The following WDFY3 variants were observed in gnomAD, a reference collection of about 807,000 sequenced individuals.
The protein encoded by WDFY3 is WD repeat and FYVE domain-containing protein 3.
A neutral mutation model predicts 409.6 loss-of-function variants in WDFY3; 66 were observed. The observed-to-expected ratio is 0.16, with a 90% confidence interval of 0.13 to 0.20. The LOEUF (loss-of-function observed/expected upper bound fraction) is 0.20. WDFY3 is among the 10% of genes least tolerant of loss of function. WDFY3 has a pLI of 1.00. For missense variants in WDFY3, 3,031 were observed against 4,298.1 expected, an observed-to-expected ratio of 0.71 and a Z score of 8.24; for synonymous variants, 1,521 against 1,537.1, an observed-to-expected ratio of 0.99 and a Z score of 0.25.
chr4:84,883,985 T>C (rs556218891), intron 3 of WDFY3, among the ~76,000 whole-genome samples: 3 of 152,148 alleles, frequency 2.0e-5, no homozygotes, highest in Non-Finnish European at 4.4e-5. Context: ...CAAAATTACA[T>C]GCTAAAAATT....
intron 4 of WDFY3, among the ~76,000 whole-genome samples, chr4:84,854,122 G>C: frequency 6.6e-6 from 1 of 152,280 alleles, no homozygotes; most frequent in East Asian, 1.9e-4. Context: ...AGGTCTTTCT[G>C]AAGAAGCGAC....
chr4:84,882,404 A>G (rs1227820739), intron 3 of WDFY3, among the ~76,000 whole-genome samples: 1 of 152,280 alleles, frequency 6.6e-6, no homozygotes, highest in Admixed American at 6.5e-5. Flanking sequence ...TGACACACTG[A>G]AGATGCTTAA....
intron 3 of WDFY3, among the ~76,000 whole-genome samples, chr4:84,864,464 G>T (rs1761103190): frequency 1.3e-5 from 2 of 150,464 alleles, no homozygotes; most frequent in South Asian, 4.2e-4. Context: ...TACGAACATT[G>T]TAACAACATT....
At chr4:84,938,233 T>G (rs565835502) in intron 1 of WDFY3, among the ~76,000 whole-genome samples, 1 of 152,102 alleles carries the variant, frequency 6.6e-6, no homozygotes, top group Admixed American at 6.6e-5. Context: ...GTTACTCTCT[T>G]AAGGCTAAAA....
At chr4:84,779,586 T>C (rs1403342424) in intron 26 of WDFY3, among the ~76,000 whole-genome samples, 1 of 152,174 alleles carries the variant, frequency 6.6e-6, no homozygotes, top group Non-Finnish European at 1.5e-5. Flanking sequence ...CTAATTTTTG[T>C]ATTTTTAGTT....
At chr4:84,700,453 C>T (rs1730896744) in intron 56 of WDFY3, among the ~76,000 whole-genome samples, 1 of 152,208 alleles carries the variant, frequency 6.6e-6, no homozygotes, top group Non-Finnish European at 1.5e-5. Context: ...ATCCACCTGC[C>T]TTGGCCTCCC....
At chr4:84,736,368 TG>T (rs1232712990) in intron 41 of WDFY3, 41 bp from the exon 42 acceptor site, 2 of 1,538,162 alleles carry the variant, frequency 1.3e-6, no homozygotes, top group South Asian at 2.6e-5. Context: ...AATTTCTCCA[TG>T]TATTTATGAG....
intron 35 of WDFY3, among the ~76,000 whole-genome samples, chr4:84,752,967 A>T (rs182934008): frequency 5.9e-5 from 9 of 152,314 alleles, no homozygotes; most frequent in Admixed American, 5.9e-4. Flanking sequence ...CGTTTTGAAA[A>T]GTCACCAATA....
chr4:84,697,407 G>A (rs1370330704), intron 56 of WDFY3, among the ~76,000 whole-genome samples: 1 of 152,106 alleles, frequency 6.6e-6, no homozygotes, highest in Non-Finnish European at 1.5e-5. Context: ...GTAACTTTTT[G>A]CTGTTATTGC....
chr4:84,735,866 T>C (rs192209612), intron 42 of WDFY3, among the ~76,000 whole-genome samples: 53 of 152,342 alleles, frequency 3.5e-4, no homozygotes, highest in African/African-American at 1.3e-3. Context: ...TTAAAATTTA[T>C]ATAATTATTA....
intron 2 of WDFY3, among the ~76,000 whole-genome samples, chr4:84,899,502 C>G (rs1358726488): frequency 6.6e-6 from 1 of 152,166 alleles, no homozygotes; most frequent in African/African-American, 2.4e-5. Flanking sequence ...AAATTGCAAT[C>G]CCATTCCTAA....
intron 3 of WDFY3, among the ~76,000 whole-genome samples, chr4:84,877,541 C>T (rs979725171): frequency 5.3e-5 from 8 of 152,140 alleles, no homozygotes; most frequent in Admixed American, 5.2e-4. Flanking sequence ...TCAAGTGATC[C>T]TCCCACCTTG....
chr4:84,930,528 C>T (rs1770630839), intron 2 of WDFY3, among the ~76,000 whole-genome samples: 2 of 152,296 alleles, frequency 1.3e-5, no homozygotes, highest in Non-Finnish European at 2.9e-5. Flanking sequence ...GATGCCGGAT[C>T]TGAATAAATT....
rs1747513733 is a variant in WDFY3 at position 84,786,144 on chromosome 4, A to G, written c.3902-5T>C. ...CTTCGGATTTTGCATCTTTACCTTCAAAAGAAGAATAATTCTTTTCAAAAT... is the reference window on the plus strand; with the variant it reads ...CTTCGGATTTTGCATCTTTACCTTCGAAAGAAGAATAATTCTTTTCAAAAT... On this transcript the variant is annotated splice_region_variant and splice_polypyrimidine_tract_variant and intron_variant, in intron 23 of 67. Transcript: ENST00000295888. The G allele has an allele frequency of 1.2e-5, 19 of 1,592,456 alleles. No homozygotes were observed. The highest frequency in any genetic ancestry group is 1.6e-5 in the Non-Finnish European group (19 of 1,171,996).
chr4:84,774,163 G>A lies in WDFY3; in HGVS notation c.4754+657C>T, dbSNP rs1011961720. On this transcript the variant is annotated intron_variant, in intron 29 of 67. Coordinates refer to ENST00000295888, the MANE Select transcript of WDFY3 (RefSeq NM_014991.6). ...GAGATACTTGGTAGATCACATGAAC[G>A]AACAGTAGTGACCAAGTCCAGTTTA... Among the ~76,000 whole-genome samples, 14 of 152,294 alleles carry A rather than the reference G, an allele frequency of 9.2e-5. No individual in the cohort carries two copies. The East Asian group carries it at 1.9e-3, about 21-fold the overall frequency.
intron 27 of WDFY3, among the ~76,000 whole-genome samples, chr4:84,775,383 T>C (rs1212669766): frequency 6.6e-6 from 1 of 151,968 alleles, no homozygotes; most frequent in Non-Finnish European, 1.5e-5. Context: ...CTAAAGAATG[T>C]ATTGAAAAAC....
At chr4:84,701,539 A>T (rs1407321057) in intron 56 of WDFY3, among the ~76,000 whole-genome samples, 1 of 152,216 alleles carries the variant, frequency 6.6e-6, no homozygotes, top group Admixed American at 6.5e-5. Context: ...GGAATGAAAA[A>T]AATATAAAAC....
chr4:84,827,578 A>G (rs544410043), intron 9 of WDFY3, among the ~76,000 whole-genome samples: 23 of 152,198 alleles, frequency 1.5e-4, no homozygotes, highest in Non-Finnish European at 2.9e-4. Context: ...GATTTGGATT[A>G]TATCTTTAGG....
At chr4:84,926,561 A>T (rs775049856) in intron 2 of WDFY3, among the ~76,000 whole-genome samples, 11 of 152,074 alleles carry the variant, frequency 7.2e-5, no homozygotes, top group Non-Finnish European at 1.5e-4. Flanking sequence ...CTCTCTCAAC[A>T]CATGTTTTCT....
Sources: allele counts gnomAD v4.1 joint callset (sites outside exome capture counted in the v4.1 genomes callset), GRCh38; gene constraint gnomAD v4.1.1; transcripts MANE v1.5; gene names NCBI Gene and HGNC (gene_info 2026-07-23, HGNC 2026-07-21).